ROBO2: variants seen among roughly 807,000 people sequenced by gnomAD.
ROBO2 encodes the protein roundabout guidance receptor 2.
ROBO2 carries 53 observed loss-of-function variants against 160.8 expected under a neutral mutation model. The ratio of observed to expected loss-of-function variants is 0.33; its 90% confidence interval spans 0.26 to 0.41. ROBO2 has a LOEUF of 0.41. ROBO2 is among the 10% of genes least tolerant of loss of function. The pLI is 1.00. For synonymous variants in ROBO2, 664 were observed against 611.7 expected, an observed-to-expected ratio of 1.09 and a Z score of -1.26; for missense variants, 1,577 against 1,722.4, an observed-to-expected ratio of 0.92 and a Z score of 1.49.
At chr3:76,593,731 T>C (rs1485943522) in intron 2 of ROBO2, among the ~76,000 whole-genome samples, 2 of 152,084 alleles carry the variant, frequency 1.3e-5, no homozygotes, top group African/African-American at 2.4e-5. Flanking sequence ...AATTAGAGAA[T>C]TTAAAAGCAG....
At chr3:77,301,828 A>C (rs2062682331) in intron 2 of ROBO2, among the ~76,000 whole-genome samples, 2 of 151,868 alleles carry the variant, frequency 1.3e-5, no homozygotes, top group Admixed American at 1.3e-4. Flanking sequence ...TTTGTTACAT[A>C]CTTGCTGTGT....
chr3:76,088,728 G>A (rs1298385474), intron 2 of ROBO2, among the ~76,000 whole-genome samples: 1 of 151,968 alleles, frequency 6.6e-6, no homozygotes, highest in African/African-American at 2.4e-5. Flanking sequence ...CAATTTATGA[G>A]GGAAATTTAC....
rs571583702 is a variant in ROBO2, at chr3:76,595,801, A to G, written c.110-502213A>G. Among the ~76,000 whole-genome samples, 3 of 152,232 alleles carry G rather than the reference A, an allele frequency of 2.0e-5. No individual in the cohort carries two copies. The East Asian group carries it at 5.8e-4, about 29-fold the overall frequency. ...TATTAGCACAAAAGAACCCAAAGAAACACAGTACACAGATAGTTTTGTAAA... is the reference window on the plus strand; with the variant it reads ...TATTAGCACAAAAGAACCCAAAGAAGCACAGTACACAGATAGTTTTGTAAA... On this transcript the variant is annotated intron_variant, in intron 2 of 26. Coordinates refer to the ROBO2 transcript ENST00000487694.
chr3:77,277,515 C>T (rs1368354558), intron 2 of ROBO2, among the ~76,000 whole-genome samples: 2 of 152,050 alleles, frequency 1.3e-5, no homozygotes, highest in Non-Finnish European at 2.9e-5. Flanking sequence ...CATGTGTTCT[C>T]ATCGTTCATC....
chr3:77,583,249 T>C (rs2093966007), intron 16 of ROBO2, among the ~76,000 whole-genome samples: 1 of 151,560 alleles, frequency 6.6e-6, no homozygotes, highest in South Asian at 2.1e-4. Flanking sequence ...TGTTCAGCAA[T>C]GTTTGGGTTA....
At chr3:76,075,986 T>A (rs2068633614) in intron 2 of ROBO2, among the ~76,000 whole-genome samples, 1 of 144,236 alleles carries the variant, frequency 6.9e-6, no homozygotes, top group Non-Finnish European at 1.5e-5. Flanking sequence ...AATTCTTTAT[T>A]ACTTAAGACA....
chr3:76,815,588 CT>C (rs935193789), intron 2 of ROBO2, among the ~76,000 whole-genome samples: 1 of 151,684 alleles, frequency 6.6e-6, no homozygotes, highest in Non-Finnish European at 1.5e-5. Flanking sequence ...TTCTTTTTAT[CT>C]TTTTTTTCTT....
chr3:77,252,967 T>A (rs1314975794), intron 2 of ROBO2, among the ~76,000 whole-genome samples: 1 of 151,214 alleles, frequency 6.6e-6, no homozygotes, highest in Non-Finnish European at 1.5e-5. Context: ...TTTCAAATTA[T>A]GCTCTTTTGG....
At chr3:76,331,690 A>T (rs1324557106) in intron 2 of ROBO2, among the ~76,000 whole-genome samples, 5 of 144,404 alleles carry the variant, frequency 3.5e-5, no homozygotes, top group South Asian at 2.2e-4. Context: ...TAATATTTGA[A>T]TTTTTTTTTT....
At chr3:77,270,136 T>A (rs1200814428) in intron 2 of ROBO2, among the ~76,000 whole-genome samples, 1 of 152,190 alleles carries the variant, frequency 6.6e-6, no homozygotes, top group African/African-American at 2.4e-5. Flanking sequence ...GAGTTCATAC[T>A]CCTTAGAAGC....
chr3:76,412,754 G>T (rs1198071824), intron 2 of ROBO2, among the ~76,000 whole-genome samples: 1 of 152,182 alleles, frequency 6.6e-6, no homozygotes, highest in Non-Finnish European at 1.5e-5. Flanking sequence ...CCTCCCAGCT[G>T]CTTTCACTGG....
intron 2 of ROBO2, among the ~76,000 whole-genome samples, chr3:76,341,729 G>T (rs2074240818): frequency 6.6e-6 from 1 of 152,130 alleles, no homozygotes; most frequent in African/African-American, 2.4e-5. Flanking sequence ...AAACATAGTT[G>T]TGTTGGATGC....
chr3:77,008,284 A>T (rs1476776208), intron 2 of ROBO2, among the ~76,000 whole-genome samples: 2 of 152,150 alleles, frequency 1.3e-5, no homozygotes, highest in Admixed American at 6.5e-5. Context: ...CTGAGACTAT[A>T]TTATAGGAAA....
At chr3:75,965,857 A>G (rs1332731414) in intron 2 of ROBO2, among the ~76,000 whole-genome samples, 2 of 151,694 alleles carry the variant, frequency 1.3e-5, no homozygotes, top group Admixed American at 6.6e-5. Context: ...AATATACAGT[A>G]ACAAGGAAAG....
chr3:77,483,581 G>A lies in ROBO2; in HGVS notation c.667+2362G>A, dbSNP rs1413888716. Among the ~76,000 whole-genome samples the A allele has an allele frequency of 3.3e-5, 5 of 151,456 alleles. No homozygotes were observed. The East Asian group carries it at 9.7e-4, about 29-fold the overall frequency. ...ATGGAGCAGCAATTTCACTTTTAAAGGTCTAGCTACTATAACCACTCTGTA... is the reference window on the plus strand; with the variant it reads ...ATGGAGCAGCAATTTCACTTTTAAAAGTCTAGCTACTATAACCACTCTGTA... On this transcript the variant is annotated intron_variant, in intron 4 of 25. Transcript: ENST00000461745.
chr3:77,546,516 G>A (rs1193650125), intron 7 of ROBO2, 54 bp downstream of exon 8: 20 of 1,605,724 alleles, frequency 1.2e-5, no homozygotes, highest in South Asian at 7.7e-5. Context: ...TACTGTCTCT[G>A]CTGCTCCTGA....
intron 2 of ROBO2, among the ~76,000 whole-genome samples, chr3:77,172,171 G>A (rs899656885): frequency 6.6e-6 from 1 of 152,052 alleles, no homozygotes; most frequent in African/African-American, 2.4e-5. Flanking sequence ...AAATGTCTCC[G>A]CATGCTCAGG....
At chr3:76,289,852 G>A (rs2107699058) in intron 2 of ROBO2, among the ~76,000 whole-genome samples, 2 of 152,192 alleles carry the variant, frequency 1.3e-5, no homozygotes, top group East Asian at 3.9e-4. Flanking sequence ...TAGTCAATGT[G>A]TCTATTTTTG....
At chr3:76,486,338 G>A (rs781700270) in intron 2 of ROBO2, among the ~76,000 whole-genome samples, 1 of 152,114 alleles carries the variant, frequency 6.6e-6, no homozygotes, top group Non-Finnish European at 1.5e-5. Context: ...ACTACCTTGG[G>A]TTGAAGTTAT....
Sources: allele counts gnomAD v4.1 joint callset (sites outside exome capture counted in the v4.1 genomes callset), GRCh38; gene constraint gnomAD v4.1.1; transcripts MANE v1.5; gene names NCBI Gene and HGNC (gene_info 2026-07-23, HGNC 2026-07-21).